The following HERC6 variants were observed in gnomAD, a reference collection of about 807,000 sequenced individuals.
HERC6 encodes the protein HECT and RLD domain containing E3 ubiquitin protein ligase family member 6.
Under a neutral mutation model 114.5 loss-of-function variants are expected in HERC6, and 101 were observed. The ratio of observed to expected loss-of-function variants is 0.88; its 90% CI spans 0.75 to 1.04. The LOEUF is 1.04. HERC6 is among the 50% of genes least tolerant of loss of function. HERC6 has a pLI of 0.00. For synonymous variants in HERC6, 408 were observed against 436.2 expected, an observed-to-expected ratio of 0.94 and a Z score of 0.81; for missense variants, 1,133 against 1,230.9, an observed-to-expected ratio of 0.92 and a Z score of 1.19.
chr4:88,442,025 G>C (rs886574458), intron 22 of HERC6, among the ~76,000 whole-genome samples: 12 of 152,050 alleles, frequency 7.9e-5, no homozygotes, highest in Admixed American at 2.0e-4. Context: ...ATCTTTTCAT[G>C]CATATAATTT....
chr4:88,424,518 A>AG, intron 14 of HERC6, 77 bp from the exon 15 acceptor site: 1 of 1,064,646 alleles, frequency 9.4e-7, no homozygotes, highest in Non-Finnish European at 1.4e-6. Context: ...TCCAAAAAAA[A>AG]GGCGATAAGG....
At chr4:88,415,724 A>T (rs1736417220) in intron 12 of HERC6, among the ~76,000 whole-genome samples, 1 of 152,228 alleles carries the variant, frequency 6.6e-6, no homozygotes, top group Admixed American at 6.5e-5. Flanking sequence ...TGTATATCAT[A>T]TTCTGTGAAC....
At chr4:88,432,400 CAAA>C (rs1235048258) in intron 17 of HERC6, among the ~76,000 whole-genome samples, 3 of 107,078 alleles carry the variant, frequency 2.8e-5, no homozygotes, top group African/African-American at 3.5e-5. Flanking sequence ...GACTCCGGCT[CAAA>C]AAAAAAAAAA....
At chr4:88,434,017 A>G (rs1227465325) in intron 17 of HERC6, among the ~76,000 whole-genome samples, 1 of 152,208 alleles carries the variant, frequency 6.6e-6, no homozygotes, top group Non-Finnish European at 1.5e-5. Context: ...ATTGTATTAA[A>G]TATTGTGGGA....
chr4:88,438,161 C>T (rs1406333489), intron 20 of HERC6, among the ~76,000 whole-genome samples: 3 of 147,152 alleles, frequency 2.0e-5, no homozygotes, highest in African/African-American at 7.5e-5. Flanking sequence ...ATTTTAGCTT[C>T]TCAGGTGATT....
In HERC6 at chr4:88,390,701, G is replaced by C; in HGVS notation, c.486G>C (p.Leu162Phe). The C allele has an allele frequency of 1.2e-6, 2 of 1,613,694 alleles. No individual in the cohort carries two copies. Among genetic ancestry groups the C allele is most frequent in the Non-Finnish European group, 1.7e-6 (2 of 1,179,766 alleles). ...WGKNSHGQLG[L>F]GKEFPSQASP... ...AGAACAGCCATGGGCAGCTGGGCTT[G>C]GGGAAGGAGTTCCCCTCCCAAGCCA... The change falls in exon 4 of 23, where the codon TTG becomes TTC. Residue 162 changes from leucine (L) to phenylalanine (F), a missense_variant. Around this residue, in one of 3 missense-constraint regions of HERC6, gnomAD observed 735 missense variants for 754.0 expected, o/e 0.97. Coordinates refer to ENST00000264346, the MANE Select transcript of HERC6 (RefSeq NM_017912.4).
chr4:88,420,951 C>T (rs553381206), intron 13 of HERC6, among the ~76,000 whole-genome samples: 2 of 152,126 alleles, frequency 1.3e-5, no homozygotes, highest in Admixed American at 1.3e-4. Context: ...TCCCCTTATT[C>T]TCACTCCAGC....
intron 3 of HERC6, among the ~76,000 whole-genome samples, chr4:88,386,173 G>C (rs1467824859): frequency 6.6e-6 from 1 of 151,034 alleles, no homozygotes; most frequent in Non-Finnish European, 1.5e-5. Flanking sequence ...AAAGAGAAAA[G>C]GCACCCAATT....
rs543490853 is a variant in HERC6, at chr4:88,408,162, G to T, written c.1275-362G>T. ...CTAATAAAAACAGTGGAATTGCAAAGTTCTGTAAATATGAATGGTAAGGAG... is the reference window on the plus strand; with the variant it reads ...CTAATAAAAACAGTGGAATTGCAAATTTCTGTAAATATGAATGGTAAGGAG... On this transcript the variant is annotated intron_variant, in intron 10 of 22. Coordinates refer to ENST00000264346, the MANE Select transcript of HERC6 (RefSeq NM_017912.4). Among the ~76,000 whole-genome samples, 217 of 152,264 alleles carry T rather than the reference G, an allele frequency of 1.4e-3. 1 individual carries two copies. The highest frequency in any genetic ancestry group is 5.0e-3 in the African/African-American group (207 of 41,572).
At position 88,442,414 on chromosome 4, in the gene HERC6, T is replaced by C. The variant is rs1161960284; in HGVS notation, c.3023T>C (p.Ile1008Thr). ...ATGGAGGAAGCACTTCAAGTAGCCA[T>C]CAACAACAACAGAGGATTTGTCTCA... ...ERMEEALQVA[I>T]NNNRGFVSPM... The change falls in exon 23 of 23, where the codon ATC becomes ACC. Residue 1008 changes from isoleucine (I) to threonine (T), a missense_variant. Ile to Thr is a moderately conservative substitution (Grantham distance 89, BLOSUM62 -1). Transcript: ENST00000264346. The C allele has an allele frequency of 1.2e-6, 2 of 1,613,906 alleles. No individual in the cohort carries two copies. The highest frequency in any genetic ancestry group is 1.7e-6 in the Non-Finnish European group (2 of 1,179,988).
intron 15 of HERC6, among the ~76,000 whole-genome samples, chr4:88,425,624 GTTT>G (rs1737528397): frequency 6.6e-6 from 1 of 152,078 alleles, no homozygotes; most frequent in African/African-American, 2.4e-5. Flanking sequence ...CAATCAATGA[GTTT>G]ATTTTGTTTT....
intron 18 of HERC6, among the ~76,000 whole-genome samples, chr4:88,436,665 A>G (rs1297988715): frequency 6.6e-6 from 1 of 152,228 alleles, no homozygotes; most frequent in Non-Finnish European, 1.5e-5. Flanking sequence ...TCTAGAGGAA[A>G]CAGCTCATTT....
rs757953506 is a variant in HERC6, at chr4:88,408,532, G to A, written c.1283G>A (p.Gly428Glu). Residue 428 changes from glycine to glutamate, a missense_variant, in exon 11 of 23, where the codon GGA becomes GAA. Physicochemically the swap from Gly to Glu is moderately conservative, Grantham distance 98. Transcript: ENST00000264346. ...TASFLKKRGT[G>E]ETTSIDVDLE... ...ATTTCTTGTATCCAAAGAGGAACTG[G>A]AGAAACGACTTCCATTGATGTGGAC... 2 of 1,594,672 alleles carry A rather than the reference G, an allele frequency of 1.3e-6. No homozygotes were observed. Among genetic ancestry groups the A allele is most frequent in the Admixed American group, 3.5e-5 (2 of 57,660 alleles).
intron 6 of HERC6, 66 bp from the exon 7 acceptor site, chr4:88,396,785 G>C: frequency 7.2e-7 from 1 of 1,381,992 alleles, no homozygotes; most frequent in Non-Finnish European, 9.6e-7. Context: ...TGTCTTAAGG[G>C]ACATCATCTT....
Position 88,428,613 on chromosome 4 carries a change from G to T in HERC6, c.1969G>T (p.Glu657Ter). The change falls in exon 16 of 23, where the codon GAA becomes TAA. Residue 657 changes from glutamate (E) to a stop codon, truncating the protein, a stop_gained. Coordinates refer to ENST00000264346, the MANE Select transcript of HERC6 (RefSeq NM_017912.4). LOFTEE classifies it high-confidence loss of function. ...AAAGAAAGCATACATGCTTATGCAT[G>T]AAACAATTCTGCAAAAAAAGGATGA... Reference protein sequence around the residue: ...SEKKAYMLMHETILQKKDEFP... With the variant: ...SEKKAYMLMH 6.2e-7 allele frequency: 1 copy of T among 1,607,132 alleles called. No individual in the cohort carries two copies. Among genetic ancestry groups the T allele is most frequent in the Non-Finnish European group, 8.5e-7 (1 of 1,177,650 alleles).
At chr4:88,400,825 T>C (rs2148886970) in intron 8 of HERC6, among the ~76,000 whole-genome samples, 1 of 152,300 alleles carries the variant, frequency 6.6e-6, no homozygotes, top group East Asian at 1.9e-4. Context: ...ATTTATACAT[T>C]AAACTTGATC....
intron 12 of HERC6, among the ~76,000 whole-genome samples, chr4:88,415,371 A>T (rs1349170669): frequency 6.6e-6 from 1 of 152,190 alleles, no homozygotes; most frequent in Admixed American, 6.6e-5. Flanking sequence ...CAGAAAGCAA[A>T]ATCACTGAGT....
In HERC6 at chr4:88,396,149, G is replaced by A; in HGVS notation, c.887+7G>A. 1 of 1,562,182 alleles carries A rather than the reference G, an allele frequency of 6.4e-7. No homozygotes were observed. The highest frequency in any genetic ancestry group is 1.2e-5 in the South Asian group (1 of 82,182). ...CGCAGATAGATTGTGGAAGGTAATA[G>A]GCTTCTTCTTCTTCTTTTTCTTAGC... is the stretch of plus-strand genomic sequence containing the variant. On this transcript the variant is annotated splice_region_variant and intron_variant, in intron 6 of 22. Transcript: ENST00000264346.
At chr4:88,423,733 A>G (rs1442594057) in intron 13 of HERC6, 127 bp from the exon 14 acceptor site, 4 of 430,310 alleles carry the variant, frequency 9.3e-6, no homozygotes, top group African/African-American at 8.2e-5. Context: ...CATCACTGAC[A>G]AATGTTTTCA....
Sources: gnomAD v4.1 joint callset for allele counts (sites outside exome capture counted in the v4.1 genomes callset) on GRCh38, gnomAD v4.1.1 for gene constraint, gnomAD v4.1.1 regional missense constraint, MANE v1.5 for transcripts, NCBI Gene and HGNC (gene_info 2026-07-23, HGNC 2026-07-21) for gene names.